Variants in SEM1 observed in about 807,000 individuals in gnomAD.
SEM1 encodes the protein 26S proteasome complex subunit SEM1.
SEM1 carries 3 observed loss-of-function variants against 12.7 expected under a neutral mutation model. The ratio of observed to expected loss-of-function variants is 0.24; its 90% confidence interval spans 0.11 to 0.61. SEM1 has a LOEUF of 0.61. SEM1 is among the 20% of genes least tolerant of loss of function. The pLI is 0.88. For missense variants in SEM1, 59 were observed against 81.3 expected, an observed-to-expected ratio of 0.73 and a Z score of 1.06; for synonymous variants, 30 against 27.8, an observed-to-expected ratio of 1.08 and a Z score of -0.25.
At position 96,525,241 on chromosome 7, in the gene SEM1, T is replaced by A. The variant is rs974400317; in HGVS notation, c.171-18543A>T. Among the ~76,000 whole-genome samples the A allele has an allele frequency of 2.7e-5, 4 of 150,352 alleles. No homozygotes were observed. In the South Asian group the frequency reaches 8.4e-4, roughly 32 times the overall value. ...TCCCTTTTCTTATTCTCATCATTGA[T>A]CTTGTCTAGTCCTGACTCCTTTTTT... On this transcript the variant is annotated intron_variant and NMD_transcript_variant, in intron 2 of 3. Transcript: ENST00000466986.
intron 3 of SEM1, chr7:96,484,053 C>T (rs1802653708): frequency 5.9e-6 from 8 of 1,366,974 alleles, no homozygotes; most frequent in Non-Finnish European, 7.8e-6. Context: ...TGCATATTAA[C>T]TTATTCAATC....
chr7:96,628,869 G>A (rs972505620), intron 2 of SEM1, among the ~76,000 whole-genome samples: 3 of 152,178 alleles, frequency 2.0e-5, no homozygotes, highest in Admixed American at 2.0e-4. Context: ...GTCTGGGGAA[G>A]TCTTTAGTTT....
At chr7:96,592,149 A>G (rs1318806716) in intron 2 of SEM1, among the ~76,000 whole-genome samples, 3 of 151,918 alleles carry the variant, frequency 2.0e-5, no homozygotes, top group Non-Finnish European at 4.4e-5. Flanking sequence ...CAGAAATTCC[A>G]CAGATGGGAT....
At chr7:96,673,754 G>T (rs746476924) in exon 3 of SEM1, 5 of 765,256 alleles carry the variant, frequency 6.5e-6, no homozygotes, top group Non-Finnish European at 1.2e-5. Flanking sequence ...ACAGGTTGAT[G>T]ATCTGTTAAC....
chr7:96,709,778 C>G lies in SEM1; in HGVS notation c.-15G>C. The stretch of plus-strand genomic sequence containing the variant: ...TTCTCTGACATCTCGACTGTCCGCG[C>G]CCAACACCTCCCAGATAAGCAGAAA... On this transcript the variant is annotated 5_prime_UTR_variant, in exon 1 of 3. Coordinates refer to ENST00000248566, the MANE Select transcript of SEM1 (RefSeq NM_006304.2). The G allele has an allele frequency of 1.2e-6, 2 of 1,613,188 alleles. No homozygotes were observed. The highest frequency in any genetic ancestry group is 1.1e-5 in the South Asian group (1 of 91,040).
At chr7:96,494,771 G>T (rs1216587544) in intron 1 of SEM1, among the ~76,000 whole-genome samples, 1 of 151,320 alleles carries the variant, frequency 6.6e-6, no homozygotes, top group East Asian at 1.9e-4. Flanking sequence ...AATAGCATTG[G>T]AAGAATATTT....
chr7:96,574,621 C>T (rs200251124), intron 2 of SEM1, among the ~76,000 whole-genome samples: 4 of 152,000 alleles, frequency 2.6e-5, no homozygotes, highest in East Asian at 1.9e-4. Context: ...TTTTAATGAT[C>T]GCACATGGTC....
At chr7:96,687,609 A>T (rs1422881518), downstream of SEM1, among the ~76,000 whole-genome samples, 1 of 151,910 alleles carries the variant, frequency 6.6e-6, no homozygotes, top group Non-Finnish European at 1.5e-5. Flanking sequence ...CAGGAAGGGG[A>T]ACATCACACT....
chr7:96,496,662 G>C (rs936187087), upstream of SEM1, among the ~76,000 whole-genome samples: 8 of 152,142 alleles, frequency 5.3e-5, no homozygotes, highest in African/African-American at 1.9e-4. Context: ...TAAGATTTAA[G>C]AGTAATTTTT....
chr7:96,612,630 G>C (rs1478148085), intron 2 of SEM1, among the ~76,000 whole-genome samples: 15 of 152,056 alleles, frequency 9.9e-5, no homozygotes, highest in Non-Finnish European at 2.1e-4. Context: ...TGTTGCTTTT[G>C]GTTTTTTTTG....
upstream of SEM1, among the ~76,000 whole-genome samples, chr7:96,499,835 G>C (rs946774143): frequency 1.2e-4 from 19 of 152,096 alleles, no homozygotes; most frequent in African/African-American, 4.3e-4. Flanking sequence ...TCATGGGCTA[G>C]AAAAACGTTT....
chr7:96,604,309 T>C (rs914218092), intron 2 of SEM1, among the ~76,000 whole-genome samples: 2 of 152,180 alleles, frequency 1.3e-5, no homozygotes, highest in African/African-American at 2.4e-5. Flanking sequence ...GGCTTCCACA[T>C]GTCTCTGGTT....
intron 2 of SEM1, among the ~76,000 whole-genome samples, chr7:96,667,062 C>T (rs1034883313): frequency 1.3e-5 from 2 of 152,332 alleles, no homozygotes; most frequent in Non-Finnish European, 2.9e-5. Flanking sequence ...AAGGATGAGA[C>T]AAACCTTCCC....
chr7:96,659,923 A>AAAC (rs1174489707), intron 2 of SEM1, among the ~76,000 whole-genome samples: 3 of 148,296 alleles, frequency 2.0e-5, no homozygotes, highest in Non-Finnish European at 3.0e-5. Flanking sequence ...CAAAAAAAAA[A>AAAC]AAAAAAACAA....
At chr7:96,488,533 C>T (rs1802861727) in intron 1 of SEM1, among the ~76,000 whole-genome samples, 1 of 152,066 alleles carries the variant, frequency 6.6e-6, no homozygotes, top group African/African-American at 2.4e-5. Flanking sequence ...ACAATGCAAG[C>T]AACTTGAGAA....
chr7:96,486,518 G>C, intron 1 of SEM1: 2 of 919,024 alleles, frequency 2.2e-6, no homozygotes, highest in Non-Finnish European at 1.7e-6. Flanking sequence ...CTCATTACTG[G>C]ATTTTAAGCA....
intron 2 of SEM1, among the ~76,000 whole-genome samples, chr7:96,661,345 T>C (rs1474821472): frequency 1.3e-5 from 2 of 152,224 alleles, no homozygotes; most frequent in South Asian, 2.1e-4. Context: ...CGTTAAGATA[T>C]CAATGCTTTC....
chr7:96,516,594 G>A (rs535875626), intron 2 of SEM1, among the ~76,000 whole-genome samples: 10 of 152,284 alleles, frequency 6.6e-5, no homozygotes, highest in African/African-American at 2.4e-4. Flanking sequence ...AGATGCTGGT[G>A]AGAGTGTGGA....
intron 2 of SEM1, among the ~76,000 whole-genome samples, chr7:96,693,609 G>A (rs1278340540): frequency 1.3e-5 from 2 of 151,928 alleles, no homozygotes; most frequent in African/African-American, 4.8e-5. Flanking sequence ...AGAAAAATAA[G>A]TTTTGGCAAG....
Sources: gnomAD v4.1 joint callset for allele counts (sites outside exome capture counted in the v4.1 genomes callset) on GRCh38, gnomAD v4.1.1 for gene constraint, MANE v1.5 for transcripts, NCBI Gene and HGNC (gene_info 2026-07-23, HGNC 2026-07-21) for gene names.